The following GOLM2 variants were observed in gnomAD, a reference collection of about 807,000 sequenced individuals.
GOLM2 encodes protein GOLM2.
GOLM2 carries 26 observed loss-of-function variants against 55.9 expected under a neutral mutation model. That is an observed-to-expected ratio of 0.47 (90% confidence interval 0.34 to 0.65). GOLM2 has a LOEUF of 0.65. GOLM2 is among the 30% of genes least tolerant of loss of function. The pLI is 0.01. For synonymous variants in GOLM2, 165 were observed against 194.6 expected (o/e 0.85, Z 1.27); for missense variants, 486 against 531.8 (o/e 0.91, Z 0.85).
intron 6 of GOLM2, among the ~76,000 whole-genome samples, chr15:44,363,140 C>T (rs1452031037): frequency 2.0e-5 from 3 of 152,096 alleles, no homozygotes; most frequent in Non-Finnish European, 4.4e-5. Flanking sequence ...CGGGCAAGGA[C>T]TTCATGTCTA....
chr15:44,365,330 C>G (rs768290345), intron 6 of GOLM2, among the ~76,000 whole-genome samples: 3 of 152,092 alleles, frequency 2.0e-5, no homozygotes, highest in Admixed American at 1.3e-4. Flanking sequence ...AGTTCAAGAT[C>G]AGCCTTGGCA....
At chr15:44,312,767 G>A (rs941290399) in intron 1 of GOLM2, among the ~76,000 whole-genome samples, 1 of 151,836 alleles carries the variant, frequency 6.6e-6, no homozygotes, top group Non-Finnish European at 1.5e-5. Context: ...CCAACCTGGT[G>A]AAACCCCGTC....
Position 44,385,097 on chromosome 15 carries a change from G to A in GOLM2, c.1072+4121G>A, listed in dbSNP as rs1287491725. The stretch of plus-strand genomic sequence containing the variant: ...TATTCATCTGTTGATGTATATATGG[G>A]TTGTTTCTATATTTTGGCTATCGAA... On this transcript the variant is annotated intron_variant, in intron 8 of 9. Transcript: ENST00000299957. Among the ~76,000 whole-genome samples the A allele has an allele frequency of 3.9e-5, 6 of 152,026 alleles. 1 individual carries two copies. Among genetic ancestry groups the A allele is most frequent in the Non-Finnish European group, 1.5e-5 (1 of 68,014 alleles).
chr15:44,344,748 A>G (rs1287321512), intron 6 of GOLM2, among the ~76,000 whole-genome samples: 3 of 151,484 alleles, frequency 2.0e-5, no homozygotes, highest in Non-Finnish European at 4.4e-5. Flanking sequence ...GTGCCACCAC[A>G]TGCAAAACTT....
At chr15:44,379,924 G>A in intron 7 of GOLM2, 136 bp downstream of exon 7, 1 of 492,326 alleles carries the variant, frequency 2.0e-6, no homozygotes, top group Non-Finnish European at 3.6e-6. Context: ...TTTTTTTTTA[G>A]ACTAGTAAAA....
chr15:44,311,151 C>T (rs374387167), intron 1 of GOLM2, among the ~76,000 whole-genome samples: 2 of 152,166 alleles, frequency 1.3e-5, no homozygotes, highest in African/African-American at 4.8e-5. Flanking sequence ...TAGTTTTATA[C>T]TTATACATGT....
intron 9 of GOLM2, among the ~76,000 whole-genome samples, chr15:44,407,618 T>A (rs1266616681): frequency 6.6e-6 from 1 of 151,716 alleles, no homozygotes; most frequent in East Asian, 1.9e-4. Context: ...TTTTTTTAAA[T>A]TTTTTTTATT....
chr15:44,338,144 T>C (rs2079069589), intron 5 of GOLM2, 93 bp from the exon 6 acceptor site: 4 of 1,225,906 alleles, frequency 3.3e-6, no homozygotes, highest in African/African-American at 1.5e-5. Context: ...ATGTAGCCTA[T>C]TACTTTTAGA....
At position 44,326,031 on chromosome 15, in the gene GOLM2, AG is replaced by A. The variant is rs1024747303; in HGVS notation, c.383-2652del. On this transcript the variant is annotated intron_variant, in intron 2 of 9. Coordinates refer to ENST00000299957, the MANE Select transcript of GOLM2 (RefSeq NM_138423.4). ...GTAATCCCAGCACTTTGGGAGGCTGAGGCGGGCAGATCACAAGGTCAGGAGT... is the reference window on the plus strand; with the variant it reads ...GTAATCCCAGCACTTTGGGAGGCTGAGCGGGCAGATCACAAGGTCAGGAGT... Among the ~76,000 whole-genome samples the A allele has an allele frequency of 1.3e-3, 205 of 152,236 alleles. 1 individual carries two copies. Among genetic ancestry groups the A allele is most frequent in the African/African-American group, 4.7e-3 (196 of 41,536 alleles).
chr15:44,340,071 C>G (rs2079081122), intron 6 of GOLM2, among the ~76,000 whole-genome samples: 1 of 152,150 alleles, frequency 6.6e-6, no homozygotes, highest in South Asian at 2.1e-4. Flanking sequence ...ATCTGCCTGC[C>G]TTGGCCTCCC....
At chr15:44,350,483 G>C (rs1030104258) in intron 6 of GOLM2, among the ~76,000 whole-genome samples, 2 of 152,126 alleles carry the variant, frequency 1.3e-5, no homozygotes, top group African/African-American at 4.8e-5. Flanking sequence ...GTAATAAAAA[G>C]TCTTCCAGCA....
At chr15:44,369,087 ATATATATATAT>A (rs1254595651) in intron 6 of GOLM2, among the ~76,000 whole-genome samples, 1 of 79,380 alleles carries the variant, frequency 1.3e-5, no homozygotes, top group African/African-American at 4.7e-5. Flanking sequence ...ATATATATAT[ATATATATATAT>A]ATATATATAT....
chr15:44,400,381 C>A (rs2141212703), intron 8 of GOLM2, among the ~76,000 whole-genome samples: 1 of 151,478 alleles, frequency 6.6e-6, no homozygotes, highest in South Asian at 2.1e-4. Flanking sequence ...TGCAATGGTG[C>A]AATCTCAGTG....
Position 44,288,963 on chromosome 15 carries a change from C to G in GOLM2, c.-67C>G, listed in dbSNP as rs935762848. 1 of 1,448,288 alleles carries G rather than the reference C, an allele frequency of 6.9e-7. No homozygotes were observed. The highest frequency in any genetic ancestry group is 9.4e-7 in the Non-Finnish European group (1 of 1,067,308). The allele number at this position is 1,448,288 out of a possible 1,614,324, so 89.7% of individuals were successfully genotyped here. On this transcript the variant is annotated 5_prime_UTR_variant, in exon 1 of 10. Coordinates refer to ENST00000299957, the MANE Select transcript of GOLM2 (RefSeq NM_138423.4). The stretch of plus-strand genomic sequence containing the variant: ...GCCGTGTCCGCCGGGCAACTCCAGC[C>G]GAGGCCTGGGCTTCTGCCTGCAGGT...
chr15:44,376,848 C>A (rs1432254547), intron 6 of GOLM2, among the ~76,000 whole-genome samples: 1 of 151,904 alleles, frequency 6.6e-6, no homozygotes, highest in African/African-American at 2.4e-5. Context: ...TCTGGGAAGC[C>A]CTCTAACTAT....
intron 1 of GOLM2, among the ~76,000 whole-genome samples, chr15:44,319,701 C>T (rs1252662909): frequency 1.3e-5 from 2 of 152,152 alleles, no homozygotes; most frequent in African/African-American, 4.8e-5. Flanking sequence ...AGTCCTCCCA[C>T]CTCAGCCTCT....
intron 8 of GOLM2, among the ~76,000 whole-genome samples, chr15:44,401,283 G>A (rs1275406927): frequency 6.7e-6 from 1 of 150,120 alleles, no homozygotes; most frequent in Admixed American, 6.6e-5. Context: ...TTTTTTTTAA[G>A]AGACGAGGTC....
At chr15:44,371,595 C>T (rs189208304) in intron 6 of GOLM2, among the ~76,000 whole-genome samples, 2 of 152,098 alleles carry the variant, frequency 1.3e-5, no homozygotes, top group African/African-American at 4.8e-5. Flanking sequence ...AATGTTATAT[C>T]GTTGTTTTGT....
chr15:44,353,186 A>AT (rs2079176394), intron 6 of GOLM2, among the ~76,000 whole-genome samples: 1 of 152,224 alleles, frequency 6.6e-6, no homozygotes. Context: ...CTATAATGAG[A>AT]TATGACTTTA....
Sources: allele counts gnomAD v4.1 joint callset (sites outside exome capture counted in the v4.1 genomes callset), GRCh38; gene constraint gnomAD v4.1.1; transcripts MANE v1.5; gene names NCBI Gene and HGNC (gene_info 2026-07-23, HGNC 2026-07-21).